The following BBS5 variants were observed in gnomAD, a reference collection of about 807,000 sequenced individuals.
The protein encoded by BBS5 is BBSome complex member BBS5.
A neutral mutation model predicts 50.2 loss-of-function variants in BBS5; 39 were observed. The ratio of observed to expected loss-of-function variants is 0.78; its 90% CI spans 0.60 to 1.01. BBS5 has a LOEUF of 1.01. BBS5 is among the 50% of genes least tolerant of loss of function. The probability of loss-of-function intolerance (pLI) is 0.00; values close to 1 mark genes in which losing one functional copy is unlikely to be tolerated. For synonymous variants in BBS5, 134 were observed against 133.1 expected (o/e 1.01, Z -0.05); for missense variants, 356 against 401.5 (o/e 0.89, Z 0.97).
intron 7 of BBS5, among the ~76,000 whole-genome samples, chr2:169,495,625 C>G (rs1356442860): frequency 6.6e-6 from 1 of 152,182 alleles, no homozygotes; most frequent in East Asian, 1.9e-4. Context: ...GTTAGATTAC[C>G]TATTGAAAGC....
rs71003093 is a variant in BBS5, at chr2:169,489,851, C to CTTT, written c.386+1776_386+1778dup. On this transcript the variant is annotated intron_variant, in intron 5 of 11. Coordinates refer to ENST00000295240, the MANE Select transcript of BBS5 (RefSeq NM_152384.3). ...TATTTTTTGGCTTCTCATAAATTTC[C>CTTT]TTTTTTTTTTTTTTTTTTTTTTTTT... is the stretch of plus-strand genomic sequence containing the variant. 2.6e-4 allele frequency among the ~76,000 whole-genome samples: 17 copies of CTTT among 65,898 alleles called. 3 individuals are homozygous for CTTT. The highest frequency in any genetic ancestry group is 1.2e-3 in the African/African-American group (14 of 12,064). The allele number at this position is 65,898 out of a possible 152,430, so 43.2% of individuals were successfully genotyped here.
At chr2:169,493,442 G>A (rs1345757155) in intron 6 of BBS5, among the ~76,000 whole-genome samples, 2 of 152,106 alleles carry the variant, frequency 1.3e-5, no homozygotes. Context: ...ACTGTGTTAG[G>A]ATTGATTTAC....
rs1477133043 is a variant in BBS5 at position 169,505,491 on chromosome 2, A to T, written c.*909A>T. 3.4e-6 allele frequency: 1 copy of T among 296,182 alleles called. No homozygotes were observed. Among genetic ancestry groups the T allele is most frequent in the Non-Finnish European group, 6.6e-6 (1 of 152,546 alleles). 18.3% of individuals were successfully genotyped at this position (296,182 alleles called of 1,614,324 possible). ...TGAGGAGCGTCTCTGCCCGGCCGCC[A>T]TCCCATCTAGGAAGTGAGGAGCGCC... On this transcript the variant is annotated 3_prime_UTR_variant, in exon 12 of 12. Transcript: ENST00000295240.
chr2:169,487,193 A>C, intron 3 of BBS5, 59 bp downstream of exon 3: 1 of 1,142,008 alleles, frequency 8.8e-7, no homozygotes, highest in Non-Finnish European at 1.3e-6. Flanking sequence ...GTGAATTTGC[A>C]TGGTGCCTTT....
intron 8 of BBS5, among the ~76,000 whole-genome samples, chr2:169,498,485 A>G: frequency 6.6e-6 from 1 of 152,278 alleles, no homozygotes; most frequent in East Asian, 1.9e-4. Context: ...TTATATGACA[A>G]CTGGATAACC....
At chr2:169,482,381 A>T in intron 2 of BBS5, 48 bp downstream of exon 2, 1 of 1,161,168 alleles carries the variant, frequency 8.6e-7, no homozygotes, top group African/African-American at 1.5e-5. Flanking sequence ...TAATTTACAA[A>T]TGTTGAATCA....
chr2:169,480,953 C>T (rs534422695), intron 1 of BBS5, among the ~76,000 whole-genome samples: 2 of 152,260 alleles, frequency 1.3e-5, no homozygotes, highest in African/African-American at 4.8e-5. Flanking sequence ...GCTGGGATTA[C>T]AGGCGTGAGC....
In BBS5 at chr2:169,505,236, C is replaced by G. The variant is rs1447719133; in HGVS notation, c.*654C>G. ...CCTCCCGAGGTGCCGGGATTGCAGA[C>G]GGAGTCTGGTTCACTTAGTGCTCAA... On this transcript the variant is annotated 3_prime_UTR_variant, in exon 12 of 12. Coordinates refer to ENST00000295240, the MANE Select transcript of BBS5 (RefSeq NM_152384.3). 4 of 467,148 alleles carry G rather than the reference C, an allele frequency of 8.6e-6. No individual in the cohort carries two copies. The highest frequency in any genetic ancestry group is 9.0e-5 in the East Asian group (2 of 22,232). The allele number at this position is 467,148 out of a possible 1,614,324, so 28.9% of individuals were successfully genotyped here. A position where few individuals can be genotyped will look rare whatever the true frequency, so the allele number is the denominator to read the frequency against.
rs1255462198 is a variant in BBS5, at chr2:169,479,545, T to G, written c.-9T>G. 1 of 1,614,138 alleles carries G rather than the reference T, an allele frequency of 6.2e-7. No individual in the cohort carries two copies. Among genetic ancestry groups the G allele is most frequent in the East Asian group, 2.2e-5 (1 of 44,860 alleles). On this transcript the variant is annotated 5_prime_UTR_variant, in exon 1 of 12. Transcript: ENST00000295240. ...CTGTGGAGAGATCCTGCCACGGGCC[T>G]TGTTCACCATGTCGGTGCTGGATGC... is the stretch of plus-strand genomic sequence containing the variant.
At chr2:169,486,853 C>A (rs984087060) in intron 2 of BBS5, among the ~76,000 whole-genome samples, 13 of 152,026 alleles carry the variant, frequency 8.6e-5, no homozygotes, top group African/African-American at 2.2e-4. Flanking sequence ...CATCTGTATC[C>A]CTTATATAAC....
At chr2:169,497,985 A>G (rs927654665) in intron 8 of BBS5, among the ~76,000 whole-genome samples, 2 of 152,150 alleles carry the variant, frequency 1.3e-5, no homozygotes, top group Admixed American at 1.3e-4. Context: ...ACACAATCCT[A>G]CGATACAGCT....
At position 169,504,962 on chromosome 2, in the gene BBS5, T is replaced by G; in HGVS notation, c.*380T>G. On this transcript the variant is annotated 3_prime_UTR_variant, in exon 12 of 12. Transcript: ENST00000295240. Reference sequence around the variant, plus strand: ...CCAAAGAGGACTGGTGATCTACGTGTGCTTTTTCAAGGGAGCTGATAAAGA... The same window carrying G: ...CCAAAGAGGACTGGTGATCTACGTGGGCTTTTTCAAGGGAGCTGATAAAGA... 6.2e-7 allele frequency: 1 copy of G among 1,613,530 alleles called. No homozygotes were observed. The highest frequency in any genetic ancestry group is 8.5e-7 in the Non-Finnish European group (1 of 1,179,906).
intron 8 of BBS5, among the ~76,000 whole-genome samples, chr2:169,498,722 G>A (rs1265306559): frequency 1.3e-5 from 2 of 151,640 alleles, no homozygotes; most frequent in African/African-American, 4.8e-5. Flanking sequence ...CAGGAGAATG[G>A]CGCGAACCCG....
intron 2 of BBS5, among the ~76,000 whole-genome samples, chr2:169,485,016 T>A (rs1335827206): frequency 6.6e-6 from 1 of 152,038 alleles, no homozygotes; most frequent in East Asian, 1.9e-4. Flanking sequence ...GTAGGAGATA[T>A]ACCAAGAGCA....
rs866265072 is a variant in BBS5, at chr2:169,505,165, C to T, written c.*583C>T. 39 of 614,512 alleles carry T rather than the reference C, an allele frequency of 6.3e-5. No homozygotes were observed. The highest frequency in any genetic ancestry group is 4.4e-4 in the Middle Eastern group (1 of 2,286). The allele number at this position is 614,512 out of a possible 1,614,324, so 38.1% of individuals were successfully genotyped here. ...GGAGACGGGGTTTCGCTGTGTTGGCCGGGCTGGTCTCCAGCTCCTAACCGC... is the reference window on the plus strand; with the variant it reads ...GGAGACGGGGTTTCGCTGTGTTGGCTGGGCTGGTCTCCAGCTCCTAACCGC... On this transcript the variant is annotated 3_prime_UTR_variant, in exon 12 of 12. Transcript: ENST00000295240.
intron 9 of BBS5, among the ~76,000 whole-genome samples, chr2:169,502,001 T>C (rs1256870878): frequency 6.6e-6 from 1 of 152,142 alleles, no homozygotes; most frequent in East Asian, 1.9e-4. Context: ...ACTATTCTTC[T>C]AAAACAGCAA....
At chr2:169,500,123 T>C (rs1321297841) in intron 9 of BBS5, among the ~76,000 whole-genome samples, 1 of 152,214 alleles carries the variant, frequency 6.6e-6, no homozygotes, top group Non-Finnish European at 1.5e-5. Flanking sequence ...ACATGTCTGC[T>C]CTTTGTCTTC....
intron 10 of BBS5, 124 bp from the exon 11 acceptor site, chr2:169,504,179 A>G: frequency 1.1e-6 from 1 of 878,420 alleles, no homozygotes; most frequent in Non-Finnish European, 1.9e-6. Context: ...AAAACATTAC[A>G]CAGTAACAGA....
In BBS5 at chr2:169,497,698, T is replaced by G; in HGVS notation, c.681+9T>G. 6.4e-7 allele frequency: 1 copy of G among 1,555,568 alleles called. No homozygotes were observed. Among genetic ancestry groups the G allele is most frequent in the Non-Finnish European group, 8.9e-7 (1 of 1,128,734 alleles). On this transcript the variant is annotated intron_variant, in intron 8 of 11. Transcript: ENST00000295240. ...TAGAAAGCTCTCAGCAGGTAAGATCTTGTATATTTTTATTAATCTTTGATT... is the reference window on the plus strand; with the variant it reads ...TAGAAAGCTCTCAGCAGGTAAGATCGTGTATATTTTTATTAATCTTTGATT...
Sources: gnomAD v4.1 joint callset for allele counts (sites outside exome capture counted in the v4.1 genomes callset) on GRCh38, gnomAD v4.1.1 for gene constraint, MANE v1.5 for transcripts, NCBI Gene and HGNC (gene_info 2026-07-23, HGNC 2026-07-21) for gene names.